KCNQ3: variants seen among roughly 807,000 people sequenced by gnomAD.
KCNQ3 encodes the protein potassium voltage-gated channel subfamily Q member 3, also known as potassium voltage-gated channel subfamily KQT member 3.
A neutral mutation model predicts 92.5 loss-of-function variants in KCNQ3; 30 were observed. That is an observed-to-expected ratio of 0.32 (90% CI 0.24 to 0.44). KCNQ3 has a LOEUF of 0.44. KCNQ3 is among the 20% of genes least tolerant of loss of function. The probability of loss-of-function intolerance (pLI) is 1.00; values close to 1 mark genes in which losing one functional copy is unlikely to be tolerated. For synonymous variants in KCNQ3, 450 were observed against 468.8 expected (o/e 0.96, Z 0.52); for missense variants, 913 against 1,140.3 (o/e 0.80, Z 2.87).
intron 1 of KCNQ3, among the ~76,000 whole-genome samples, chr8:132,280,143 C>T (rs1273352135): frequency 2.0e-5 from 3 of 152,160 alleles, no homozygotes; most frequent in Middle Eastern, 3.2e-3. Context: ...TAAGCAAATA[C>T]TCAAGATGAT....
intron 1 of KCNQ3, among the ~76,000 whole-genome samples, chr8:132,188,271 A>G (rs62519614): frequency 0.037 from 5,679 of 152,286 alleles, 167 homozygotes; most frequent in Non-Finnish European, 0.056. Context: ...TGTTGAGTCA[A>G]TTGTTGAGGA....
chr8:132,445,911 ATCTG>A (rs1164894758), intron 1 of KCNQ3, among the ~76,000 whole-genome samples: 4 of 152,056 alleles, frequency 2.6e-5, no homozygotes, highest in Non-Finnish European at 5.9e-5. Context: ...CTACATCCCT[ATCTG>A]TCTGCCTATT....
intron 8 of KCNQ3, among the ~76,000 whole-genome samples, chr8:132,167,812 G>T (rs1290901990): frequency 6.6e-6 from 1 of 152,118 alleles, no homozygotes; most frequent in Non-Finnish European, 1.5e-5. Context: ...CAAAAGAATG[G>T]GCCCATTGCC....
At chr8:132,471,121 T>G (rs1822290178) in intron 1 of KCNQ3, among the ~76,000 whole-genome samples, 1 of 152,188 alleles carries the variant, frequency 6.6e-6, no homozygotes, top group Non-Finnish European at 1.5e-5. Flanking sequence ...ACTCAAAATG[T>G]GGTCAGCAGA....
At chr8:132,467,677 A>G (rs1426515459) in intron 1 of KCNQ3, among the ~76,000 whole-genome samples, 1 of 152,234 alleles carries the variant, frequency 6.6e-6, no homozygotes, top group East Asian at 1.9e-4. Flanking sequence ...GATCAATAAG[A>G]AAATGTGGCC....
At position 132,126,478 on chromosome 8, in the gene KCNQ3, A is replaced by C. The variant is rs1167013209; in HGVS notation, c.*2784T>G. 6.6e-6 allele frequency: 1 copy of C among 152,168 alleles called. No homozygotes were observed. Among genetic ancestry groups the C allele is most frequent in the Non-Finnish European group, 1.5e-5 (1 of 68,032 alleles). The allele number at this position is 152,168 out of a possible 1,614,324, so 9.4% of individuals were successfully genotyped here. ...TATATTTTTTGGGGAACAAAAGGAG[A>C]ATATCAAAGCAGAGTTATTCCAGAA... On this transcript the variant is annotated 3_prime_UTR_variant, in exon 15 of 15. Coordinates refer to ENST00000388996, the MANE Select transcript of KCNQ3 (RefSeq NM_004519.4).
At chr8:132,444,408 G>A (rs1044846676) in intron 1 of KCNQ3, among the ~76,000 whole-genome samples, 27 of 152,116 alleles carry the variant, frequency 1.8e-4, no homozygotes, top group South Asian at 4.2e-4. Flanking sequence ...ACTGAATATC[G>A]TTGAATCAAG....
chr8:132,327,265 A>C (rs1818086237), intron 1 of KCNQ3, among the ~76,000 whole-genome samples: 1 of 152,242 alleles, frequency 6.6e-6, no homozygotes, highest in Admixed American at 6.5e-5. Context: ...AAGAGGTAAT[A>C]GGTACTGAGG....
intron 1 of KCNQ3, among the ~76,000 whole-genome samples, chr8:132,459,425 C>T (rs1822013199): frequency 6.6e-6 from 1 of 152,090 alleles, no homozygotes; most frequent in Non-Finnish European, 1.5e-5. Context: ...GCAAGGGGAG[C>T]TGGTATGTGC....
At chr8:132,259,764 A>C (rs185179100) in intron 1 of KCNQ3, among the ~76,000 whole-genome samples, 1 of 151,942 alleles carries the variant, frequency 6.6e-6, no homozygotes. Context: ...CAAGGAAGTC[A>C]CTAAAAAACT....
intron 1 of KCNQ3, among the ~76,000 whole-genome samples, chr8:132,462,386 C>T (rs1039777786): frequency 5.9e-5 from 9 of 152,114 alleles, no homozygotes; most frequent in Admixed American, 5.2e-4. Context: ...GAAGGTTTCA[C>T]CATGTTGGCC....
intron 1 of KCNQ3, among the ~76,000 whole-genome samples, chr8:132,439,086 C>T (rs969796814): frequency 2.0e-5 from 3 of 151,384 alleles, no homozygotes; most frequent in African/African-American, 7.3e-5. Flanking sequence ...CCCAATACCC[C>T]CATACTTCCT....
At chr8:132,133,697 C>CCTAA (rs1361450336) in intron 13 of KCNQ3, among the ~76,000 whole-genome samples, 4 of 152,172 alleles carry the variant, frequency 2.6e-5, no homozygotes, top group African/African-American at 4.8e-5. Context: ...ATTTCTTAAG[C>CCTAA]CTAACTCCCT....
intron 1 of KCNQ3, among the ~76,000 whole-genome samples, chr8:132,463,518 T>G (rs868039950): frequency 2.6e-5 from 4 of 152,220 alleles, no homozygotes; most frequent in Admixed American, 6.5e-5. Flanking sequence ...ACTCTTCAAG[T>G]AAGCCGAGTG....
At position 132,340,301 on chromosome 8, in the gene KCNQ3, C is replaced by T. The variant is rs531746253; in HGVS notation, c.386+139846G>A. On this transcript the variant is annotated intron_variant, in intron 1 of 14. Transcript: ENST00000388996. Reference sequence around the variant, plus strand: ...ATTATAAATCATTCTACTATAAGGACGCATGCACACATATGTTTATTGCAG... The same window carrying T: ...ATTATAAATCATTCTACTATAAGGATGCATGCACACATATGTTTATTGCAG... Among the ~76,000 whole-genome samples the T allele has an allele frequency of 3.3e-5, 5 of 152,186 alleles. No individual in the cohort carries two copies. The South Asian group carries it at 6.2e-4, about 19-fold the overall frequency.
intron 1 of KCNQ3, among the ~76,000 whole-genome samples, chr8:132,402,277 G>T (rs574490515): frequency 1.3e-5 from 2 of 151,978 alleles, no homozygotes. Flanking sequence ...TTGAGAACTG[G>T]CCCCCACTGC....
At chr8:132,371,133 A>G (rs1306844576) in intron 1 of KCNQ3, among the ~76,000 whole-genome samples, 3 of 152,162 alleles carry the variant, frequency 2.0e-5, no homozygotes, top group African/African-American at 7.2e-5. Flanking sequence ...TGTGGACACA[A>G]ATCTTCTCAC....
rs191827033 is a variant in KCNQ3 at position 132,362,204 on chromosome 8, T to C, written c.386+117943A>G. Reference sequence around the variant, plus strand: ...ATATTTCAAAAGAGACCAGTATTAATTTCATCCTGGAAAAAATAAACATAC... The same window carrying C: ...ATATTTCAAAAGAGACCAGTATTAACTTCATCCTGGAAAAAATAAACATAC... On this transcript the variant is annotated intron_variant, in intron 1 of 14. Transcript: ENST00000388996. Among the ~76,000 whole-genome samples the C allele has an allele frequency of 3.4e-3, 522 of 152,270 alleles. 2 individuals are homozygous for C. Among genetic ancestry groups the C allele is most frequent in the African/African-American group, 0.012 (489 of 41,552 alleles).
At chr8:132,250,933 G>A (rs76395513) in intron 1 of KCNQ3, among the ~76,000 whole-genome samples, 2,267 of 152,210 alleles carry the variant, frequency 0.015, 60 homozygotes, top group African/African-American at 0.052. Context: ...GTCAAAGATC[G>A]ACCTCTTAGA....
Sources: gnomAD v4.1 joint callset for allele counts (sites outside exome capture counted in the v4.1 genomes callset) on GRCh38, gnomAD v4.1.1 for gene constraint, MANE v1.5 for transcripts, NCBI Gene and HGNC (gene_info 2026-07-23, HGNC 2026-07-21) for gene names.